CCSER1: variants seen among roughly 807,000 people sequenced by gnomAD.
CCSER1 encodes coiled-coil serine rich protein 1.
CCSER1 carries 41 observed loss-of-function variants against 82.0 expected under a neutral mutation model. That is an observed-to-expected ratio of 0.50 (90% confidence interval 0.39 to 0.65). The LOEUF (loss-of-function observed/expected upper bound fraction) is 0.65. Ranked by LOEUF, CCSER1 falls within the 30% of genes least tolerant of loss-of-function variation. CCSER1 has a pLI of 0.00. For synonymous variants in CCSER1, 414 were observed against 383.9 expected (o/e 1.08, Z -0.92); for missense variants, 1,119 against 1,064.2 (o/e 1.05, Z -0.72).
chr4:90,161,732 C>T (rs1380296432), intron 1 of CCSER1, among the ~76,000 whole-genome samples: 2 of 152,026 alleles, frequency 1.3e-5, no homozygotes, highest in Admixed American at 6.6e-5. Context: ...GTCTTTATTT[C>T]TCTGTGCACT....
rs193154193 is a variant in CCSER1, at chr4:91,096,841, G to A, written c.2217+10847G>A. Among the ~76,000 whole-genome samples the A allele has an allele frequency of 1.5e-3, 230 of 152,204 alleles. 5 individuals carry two copies. In the Middle Eastern group the frequency reaches 0.031, roughly 20 times the overall value. On this transcript the variant is annotated intron_variant, in intron 10 of 10. Coordinates refer to ENST00000509176, the MANE Select transcript of CCSER1 (RefSeq NM_001145065.2). ...AAGAGGGCACACACACACCTTTATC[G>A]TTTATACCAAAACAAAATCAGAGTA...
chr4:90,714,051 G>C (rs555274726), intron 6 of CCSER1, among the ~76,000 whole-genome samples: 4 of 151,864 alleles, frequency 2.6e-5, no homozygotes, highest in African/African-American at 4.8e-5. Flanking sequence ...GGAAATTTCA[G>C]TTGAAAACGT....
rs576108140 is a variant in CCSER1 at position 90,828,237 on chromosome 4, T to A, written c.2094+12392T>A. 2.6e-5 allele frequency among the ~76,000 whole-genome samples: 4 copies of A among 152,318 alleles called. No individual in the cohort carries two copies. The South Asian group carries it at 8.3e-4, about 32-fold the overall frequency. The stretch of plus-strand genomic sequence containing the variant: ...GTAATTAGCATACCAAAGTGGCATA[T>A]TTTGAAGTTGCATTTTTTGAACTCT... On this transcript the variant is annotated intron_variant, in intron 8 of 10. Transcript: ENST00000509176.
intron 10 of CCSER1, among the ~76,000 whole-genome samples, chr4:91,292,144 G>A (rs778868780): frequency 1.3e-5 from 2 of 152,038 alleles, no homozygotes; most frequent in Non-Finnish European, 2.9e-5. Context: ...AGGAGCATGT[G>A]GAAGGCCTGG....
At chr4:91,401,657 T>C (rs968937116) in intron 10 of CCSER1, among the ~76,000 whole-genome samples, 6 of 152,118 alleles carry the variant, frequency 3.9e-5, no homozygotes, top group Non-Finnish European at 2.9e-5. Context: ...GTGTTTTATT[T>C]TCTGTCCTTG....
At chr4:90,365,546 T>C (rs1746141254) in intron 3 of CCSER1, among the ~76,000 whole-genome samples, 1 of 151,884 alleles carries the variant, frequency 6.6e-6, no homozygotes, top group Non-Finnish European at 1.5e-5. Context: ...CATGTGTGCC[T>C]GTCAGTTAAT....
At chr4:91,107,824 T>C (rs975477252) in intron 10 of CCSER1, among the ~76,000 whole-genome samples, 6 of 152,148 alleles carry the variant, frequency 3.9e-5, no homozygotes, top group African/African-American at 1.4e-4. Flanking sequence ...ATAGCCCTTC[T>C]AGAATTAAGG....
intron 9 of CCSER1, among the ~76,000 whole-genome samples, chr4:91,038,581 A>G (rs1220675152): frequency 1.3e-5 from 2 of 152,192 alleles, no homozygotes; most frequent in South Asian, 2.1e-4. Flanking sequence ...ATTAATTTTA[A>G]TGACATGAAG....
At chr4:90,926,638 C>T (rs1157120567) in intron 9 of CCSER1, among the ~76,000 whole-genome samples, 1 of 151,808 alleles carries the variant, frequency 6.6e-6, no homozygotes, top group Non-Finnish European at 1.5e-5. Flanking sequence ...TGTGCTCTGA[C>T]TTCTAACGCA....
intron 8 of CCSER1, among the ~76,000 whole-genome samples, chr4:90,875,298 T>C (rs530725102): frequency 3.0e-4 from 45 of 152,282 alleles, no homozygotes; most frequent in Admixed American, 5.2e-4. Flanking sequence ...TTTCATACAA[T>C]GAGAAATTTG....
At chr4:91,182,766 G>T (rs1734161203) in intron 10 of CCSER1, among the ~76,000 whole-genome samples, 1 of 152,156 alleles carries the variant, frequency 6.6e-6, no homozygotes, top group African/African-American at 2.4e-5. Context: ...AGTGAGAAAA[G>T]GTGTCCACAC....
At chr4:90,968,144 A>C (rs1581227203) in intron 9 of CCSER1, among the ~76,000 whole-genome samples, 1 of 152,142 alleles carries the variant, frequency 6.6e-6, no homozygotes, top group Admixed American at 6.5e-5. Context: ...AGAGTAGAAA[A>C]AAGAAAGATA....
chr4:90,372,090 T>G (rs1464783318), intron 3 of CCSER1, among the ~76,000 whole-genome samples: 4 of 152,206 alleles, frequency 2.6e-5, no homozygotes, highest in Non-Finnish European at 5.9e-5. Flanking sequence ...GCTTGTTTTT[T>G]TCAATTGCTG....
chr4:90,446,345 T>C (rs1760648571), intron 4 of CCSER1, among the ~76,000 whole-genome samples: 2 of 152,206 alleles, frequency 1.3e-5, no homozygotes, highest in East Asian at 1.9e-4. Flanking sequence ...GTAGATTATA[T>C]GACTGTTCAT....
At chr4:90,704,332 C>G (rs930037805) in intron 6 of CCSER1, among the ~76,000 whole-genome samples, 3 of 152,164 alleles carry the variant, frequency 2.0e-5, no homozygotes, top group Admixed American at 6.5e-5. Flanking sequence ...AGAGTTTCTG[C>G]CGAGATATCA....
At chr4:90,640,324 A>G (rs554478075) in intron 6 of CCSER1, among the ~76,000 whole-genome samples, 1 of 152,274 alleles carries the variant, frequency 6.6e-6, no homozygotes, top group South Asian at 2.1e-4. Context: ...AAAATTAATA[A>G]TAGATGTCCT....
intron 4 of CCSER1, among the ~76,000 whole-genome samples, chr4:90,427,952 A>G (rs1757755734): frequency 6.6e-6 from 1 of 151,826 alleles, no homozygotes; most frequent in Non-Finnish European, 1.5e-5. Context: ...TGGTTTTGTT[A>G]TATTAGCTGG....
intron 6 of CCSER1, among the ~76,000 whole-genome samples, chr4:90,699,843 T>C (rs1185488618): frequency 6.6e-6 from 1 of 152,060 alleles, no homozygotes; most frequent in Non-Finnish European, 1.5e-5. Context: ...ATAAATTAGA[T>C]TAGTGCCCTT....
intron 10 of CCSER1, among the ~76,000 whole-genome samples, chr4:91,293,561 T>C (rs941015853): frequency 6.6e-6 from 1 of 152,004 alleles, no homozygotes; most frequent in Non-Finnish European, 1.5e-5. Context: ...TATAAGTAAA[T>C]ATGCATTGAA....
Sources: allele counts gnomAD v4.1 joint callset (sites outside exome capture counted in the v4.1 genomes callset), GRCh38; gene constraint gnomAD v4.1.1; transcripts MANE v1.5; gene names NCBI Gene and HGNC (gene_info 2026-07-23, HGNC 2026-07-21).